The following ABI2 variants were observed in gnomAD, a reference collection of about 807,000 sequenced individuals.
ABI2 encodes the protein abelson interactor 2.
In ABI2, 25 loss-of-function variants were observed where a neutral mutation model predicts 59.2. The observed-to-expected ratio is 0.42, with a 90% CI of 0.31 to 0.59. The LOEUF (loss-of-function observed/expected upper bound fraction) is 0.59, where lower values mean the gene tolerates loss of function less well. Ranked by LOEUF, ABI2 falls within the 20% of genes least tolerant of loss-of-function variation. The pLI is 0.14. For missense variants in ABI2, 545 were observed against 681.8 expected, an observed-to-expected ratio of 0.80 and a Z score of 2.23; for synonymous variants, 213 against 235.5, an observed-to-expected ratio of 0.90 and a Z score of 0.87.
intron 10 of ABI2, 42 bp downstream of exon 10, chr2:203,411,413 C>A: frequency 6.9e-7 from 1 of 1,449,572 alleles, no homozygotes; most frequent in East Asian, 2.3e-5. Flanking sequence ...AGATTGTAGG[C>A]ATAAAATGTC....
At chr2:203,371,728 AAT>A (rs2095223770) in intron 2 of ABI2, among the ~76,000 whole-genome samples, 6 of 152,288 alleles carry the variant, frequency 3.9e-5, no homozygotes, top group Middle Eastern at 3.4e-3. Context: ...AATTTTACTG[AAT>A]ACTTGTACAG....
intron 4 of ABI2, among the ~76,000 whole-genome samples, chr2:203,386,283 A>G (rs2096505295): frequency 1.3e-5 from 2 of 151,884 alleles, no homozygotes; most frequent in African/African-American, 4.8e-5. Flanking sequence ...GTGTGTTTAA[A>G]TTCTCTTTTC....
chr2:203,393,108 T>G (rs140544648), intron 5 of ABI2, among the ~76,000 whole-genome samples: 1 of 152,380 alleles, frequency 6.6e-6, no homozygotes, highest in East Asian at 1.9e-4. Flanking sequence ...CAATATTGGC[T>G]CACTGCAACC....
rs2094501233 is a variant in ABI2, at chr2:203,366,869, T to C, written c.118-8T>C. The stretch of plus-strand genomic sequence containing the variant: ...AATTAATGATCACTGGTTTGTTTTT[T>C]TTCCCAGTCAGCAGATAAGCAGAGA... On this transcript the variant is annotated splice_polypyrimidine_tract_variant and splice_region_variant and intron_variant, in intron 1 of 11. Transcript: ENST00000261018. 1 of 1,528,118 alleles carries C rather than the reference T, an allele frequency of 6.5e-7. No individual in the cohort carries two copies. The highest frequency in any genetic ancestry group is 8.8e-7 in the Non-Finnish European group (1 of 1,132,924). 94.7% of individuals were successfully genotyped at this position (1,528,118 alleles called of 1,614,324 possible).
chr2:203,365,505 A>T (rs1175909032), intron 1 of ABI2, among the ~76,000 whole-genome samples: 1 of 152,082 alleles, frequency 6.6e-6, no homozygotes, highest in Non-Finnish European at 1.5e-5. Flanking sequence ...CTTCAGAGTG[A>T]AATATTGAAG....
chr2:203,328,683 G>GCGCGCCT (rs1021672909), intron 1 of ABI2, 52 bp downstream of exon 1: 8 of 1,324,530 alleles, frequency 6.0e-6, no homozygotes, highest in Non-Finnish European at 8.0e-6. Flanking sequence ...GCCGGGGGCC[G>GCGCGCCT]CGCGCCTCGG....
In ABI2 at chr2:203,411,350, G is replaced by C; in HGVS notation, c.1258G>C (p.Val420Leu). The change falls in exon 10 of 12, where the codon GTG becomes CTG. Residue 420 changes from valine to leucine, a missense_variant. Around this residue, in one of 4 missense-constraint regions of ABI2, gnomAD observed 410 missense variants for 435.6 expected, o/e 0.94. Coordinates refer to ENST00000261018, the MANE Select transcript of ABI2 (RefSeq NM_001375670.1). ...VTPQLPLMGFVARVQENISDT... is the reference protein window; with the variant it reads ...VTPQLPLMGFLARVQENISDT... ...TCCTCAGTTACCTTTAATGGGATTTGTGGCCAGAGTCCAAGAAAATAGTAA... is the reference window on the plus strand; with the variant it reads ...TCCTCAGTTACCTTTAATGGGATTTCTGGCCAGAGTCCAAGAAAATAGTAA... 1.9e-6 allele frequency: 3 copies of C among 1,613,260 alleles called. No individual in the cohort carries two copies. The East Asian group carries it at 6.7e-5, about 36-fold the overall frequency.
Position 203,396,977 on chromosome 2 carries a change from T to C in ABI2, c.1033+10T>C, listed in dbSNP as rs769771444. 12 of 1,429,228 alleles carry C rather than the reference T, an allele frequency of 8.4e-6. No homozygotes were observed. The highest frequency in any genetic ancestry group is 1.5e-5 in the South Asian group (1 of 67,296). The allele number at this position is 1,429,228 out of a possible 1,614,324, so 88.5% of individuals were successfully genotyped here. A position where few individuals can be genotyped will look rare whatever the true frequency, so the allele number is the denominator to read the frequency against. ...TCCACTCCCCCTACAGGTAAGTATTTGCTTATTCATTGGCAGGCAGATGCA... is the reference window on the plus strand; with the variant it reads ...TCCACTCCCCCTACAGGTAAGTATTCGCTTATTCATTGGCAGGCAGATGCA... On this transcript the variant is annotated intron_variant, in intron 8 of 11. Transcript: ENST00000261018.
chr2:203,361,228 G>C (rs2093449161), intron 1 of ABI2, among the ~76,000 whole-genome samples: 1 of 152,186 alleles, frequency 6.6e-6, no homozygotes, highest in Admixed American at 6.5e-5. Flanking sequence ...GTGTGCTTTT[G>C]GCAGGCTTGG....
chr2:203,409,737 C>CT (rs1247854970), intron 9 of ABI2, among the ~76,000 whole-genome samples: 1 of 152,146 alleles, frequency 6.6e-6, no homozygotes. Context: ...CATCCATTGT[C>CT]TTTTTTTAAT....
chr2:203,423,821 AG>A (rs2098324598), intron 11 of ABI2, among the ~76,000 whole-genome samples: 1 of 152,224 alleles, frequency 6.6e-6, no homozygotes, highest in Non-Finnish European at 1.5e-5. Context: ...AATTAAAAAG[AG>A]AATCATTTAA....
chr2:203,368,506 A>T (rs2094719142), intron 2 of ABI2, among the ~76,000 whole-genome samples: 1 of 152,146 alleles, frequency 6.6e-6, no homozygotes, highest in East Asian at 1.9e-4. Context: ...TCTAAAGTTT[A>T]GCAAATTTGT....
chr2:203,344,172 T>C (rs538513857), intron 1 of ABI2, among the ~76,000 whole-genome samples: 1 of 152,220 alleles, frequency 6.6e-6, no homozygotes, highest in African/African-American at 2.4e-5. Context: ...TTCAACTGTT[T>C]AGAGACAGTC....
At chr2:203,366,473 G>A (rs2094461810) in intron 1 of ABI2, among the ~76,000 whole-genome samples, 1 of 151,792 alleles carries the variant, frequency 6.6e-6, no homozygotes, top group South Asian at 2.1e-4. Flanking sequence ...ATTATGTTAT[G>A]GCCACATTTC....
At chr2:203,365,578 A>C (rs901797444) in intron 1 of ABI2, among the ~76,000 whole-genome samples, 2 of 151,476 alleles carry the variant, frequency 1.3e-5, no homozygotes, top group African/African-American at 4.8e-5. Flanking sequence ...AGATTAGGAA[A>C]AATATTTCTC....
chr2:203,329,256 G>T (rs1257542705), intron 1 of ABI2: 1 of 151,236 alleles, frequency 6.6e-6, no homozygotes, highest in African/African-American at 2.4e-5. Context: ...AGTTCTGTTA[G>T]AATAGGCAGT....
intron 1 of ABI2, among the ~76,000 whole-genome samples, chr2:203,365,522 A>G (rs762269453): frequency 2.0e-5 from 3 of 150,726 alleles, no homozygotes; most frequent in Non-Finnish European, 3.0e-5. Flanking sequence ...GAAGCCCTTG[A>G]GGTGTTGGTA....
chr2:203,349,891 C>T (rs972037027), intron 1 of ABI2, among the ~76,000 whole-genome samples: 3 of 151,978 alleles, frequency 2.0e-5, no homozygotes, highest in Non-Finnish European at 4.4e-5. Flanking sequence ...CATATGTGCT[C>T]GTTTCTTTGG....
At chr2:203,347,564 C>T (rs2084475242) in intron 1 of ABI2, among the ~76,000 whole-genome samples, 1 of 152,216 alleles carries the variant, frequency 6.6e-6, no homozygotes, top group Admixed American at 6.5e-5. Context: ...CAATCTCCAC[C>T]ATGTGCCAAG....
Sources: gnomAD v4.1 joint callset for allele counts (sites outside exome capture counted in the v4.1 genomes callset) on GRCh38, gnomAD v4.1.1 for gene constraint, gnomAD v4.1.1 regional missense constraint, MANE v1.5 for transcripts, NCBI Gene and HGNC (gene_info 2026-07-23, HGNC 2026-07-21) for gene names.